Variants in UNC5C observed in about 807,000 individuals in gnomAD.
UNC5C encodes unc-5 netrin receptor C, also known as netrin receptor UNC5C.
Under a neutral mutation model 99.8 loss-of-function variants are expected in UNC5C, and 47 were observed. The ratio of observed to expected loss-of-function variants is 0.47; its 90% CI spans 0.37 to 0.60. UNC5C has a LOEUF of 0.60. Among genes scored for constraint, UNC5C ranks in the 20% least tolerant of loss-of-function variants. The pLI is 0.00. For missense variants in UNC5C, 1,062 were observed against 1,165.9 expected (o/e 0.91, Z 1.30); for synonymous variants, 487 against 452.2 (o/e 1.08, Z -0.98).
Position 95,402,613 on chromosome 4 carries a change from T to C in UNC5C, c.125-66982A>G, listed in dbSNP as rs1451326595. On this transcript the variant is annotated intron_variant, in intron 1 of 15. Coordinates refer to ENST00000453304, the MANE Select transcript of UNC5C (RefSeq NM_003728.4). ...TTACAGGGTAGTATTTGAGGACACA[T>C]ATAATATAAAGAAAAATATTTTGCA... 2.6e-5 allele frequency among the ~76,000 whole-genome samples: 4 copies of C among 152,132 alleles called. No individual in the cohort carries two copies. In the East Asian group the frequency reaches 5.8e-4, roughly 22 times the overall value.
At chr4:95,541,628 AT>A (rs1722923293) in intron 1 of UNC5C, among the ~76,000 whole-genome samples, 1 of 151,980 alleles carries the variant, frequency 6.6e-6, no homozygotes, top group South Asian at 2.1e-4. Flanking sequence ...TGTACTACAT[AT>A]TTATATTTTA....
At chr4:95,362,512 T>A (rs189469337) in intron 1 of UNC5C, among the ~76,000 whole-genome samples, 1 of 152,256 alleles carries the variant, frequency 6.6e-6, no homozygotes, top group Admixed American at 6.5e-5. Context: ...TTTAGAGCAA[T>A]GGATTTGACT....
At chr4:95,281,506 T>G (rs547362458) in intron 3 of UNC5C, among the ~76,000 whole-genome samples, 1 of 152,262 alleles carries the variant, frequency 6.6e-6, no homozygotes, top group South Asian at 2.1e-4. Flanking sequence ...AGTTAGGGAC[T>G]CATTTGAATA....
At chr4:95,355,483 C>G (rs1051181760) in intron 1 of UNC5C, among the ~76,000 whole-genome samples, 5 of 152,106 alleles carry the variant, frequency 3.3e-5, no homozygotes, top group African/African-American at 1.2e-4. Context: ...TTTCCTCCAG[C>G]AAGTCATTCT....
At chr4:95,193,018 C>A (rs751669669) in intron 12 of UNC5C, among the ~76,000 whole-genome samples, 17 of 152,222 alleles carry the variant, frequency 1.1e-4, no homozygotes, top group Non-Finnish European at 2.2e-4. Context: ...AGTTAAGTCT[C>A]ATATAACCCA....
intron 4 of UNC5C, among the ~76,000 whole-genome samples, chr4:95,256,941 G>A (rs1740021967): frequency 6.6e-6 from 1 of 151,898 alleles, no homozygotes; most frequent in Admixed American, 6.6e-5. Flanking sequence ...TTATGTTTCT[G>A]TGCCTGCTTT....
chr4:95,524,898 T>C (rs1722459564), intron 1 of UNC5C, among the ~76,000 whole-genome samples: 1 of 152,204 alleles, frequency 6.6e-6, no homozygotes, highest in Admixed American at 6.5e-5. Context: ...TGGGGGTCTG[T>C]TTCCTCATCT....
chr4:95,332,023 G>A (rs1013952106), intron 2 of UNC5C, among the ~76,000 whole-genome samples: 2 of 151,946 alleles, frequency 1.3e-5, no homozygotes, highest in African/African-American at 4.8e-5. Flanking sequence ...GGGACGTGAA[G>A]GACCTCTTCA....
intron 1 of UNC5C, among the ~76,000 whole-genome samples, chr4:95,432,324 T>C (rs1396817441): frequency 6.6e-6 from 1 of 152,160 alleles, no homozygotes; most frequent in African/African-American, 2.4e-5. Context: ...CTCATGTCAT[T>C]ATTTTTGATG....
chr4:95,241,168 A>G (rs1239541821), intron 7 of UNC5C, among the ~76,000 whole-genome samples: 1 of 152,216 alleles, frequency 6.6e-6, no homozygotes, highest in Non-Finnish European at 1.5e-5. Flanking sequence ...CAAACTCTGT[A>G]CCTCTAGATA....
chr4:95,405,905 T>C (rs1745819514), intron 1 of UNC5C, among the ~76,000 whole-genome samples: 1 of 152,184 alleles, frequency 6.6e-6, no homozygotes, highest in South Asian at 2.1e-4. Context: ...CTGTATGTCA[T>C]CACAGTAAAT....
intron 1 of UNC5C, among the ~76,000 whole-genome samples, chr4:95,436,023 ATTTATGTGATT>A (rs1256041202): frequency 6.6e-6 from 1 of 152,024 alleles, no homozygotes; most frequent in African/African-American, 2.4e-5. Flanking sequence ...TCCTGTTGTT[ATTTATGTGATT>A]TTTATGAAGC....
chr4:95,200,112 G>A (rs1171906579), intron 12 of UNC5C, among the ~76,000 whole-genome samples: 2 of 152,118 alleles, frequency 1.3e-5, no homozygotes, highest in African/African-American at 4.8e-5. Flanking sequence ...GTTTCCACTC[G>A]TGCCCTCTAC....
At chr4:95,442,271 T>C (rs999084236) in intron 1 of UNC5C, among the ~76,000 whole-genome samples, 2 of 151,746 alleles carry the variant, frequency 1.3e-5, no homozygotes, top group African/African-American at 2.4e-5. Flanking sequence ...GGTGTGATCA[T>C]AGATCACTGT....
intron 1 of UNC5C, among the ~76,000 whole-genome samples, chr4:95,350,954 T>C (rs1334850302): frequency 6.6e-6 from 1 of 152,078 alleles, no homozygotes; most frequent in Non-Finnish European, 1.5e-5. Context: ...TTCAATCAGT[T>C]GAAAGGCCTT....
In UNC5C at chr4:95,258,746, CTTTTTT is replaced by C. The variant is rs775570031; in HGVS notation, c.595-8085_595-8080del. 9.8e-3 allele frequency among the ~76,000 whole-genome samples: 747 copies of C among 75,962 alleles called. 10 individuals are homozygous for C. Among genetic ancestry groups the C allele is most frequent in the African/African-American group, 0.019 (441 of 22,980 alleles). The allele number at this position is 75,962 out of a possible 152,430, so 49.8% of individuals were successfully genotyped here. ...ACTATGTGTAATCGACCATCTTATT[CTTTTTT>C]TTTTTTTTTTTTTTTTTTTTGAGAC... On this transcript the variant is annotated intron_variant, in intron 4 of 15. Coordinates refer to ENST00000453304, the MANE Select transcript of UNC5C (RefSeq NM_003728.4).
intron 2 of UNC5C, among the ~76,000 whole-genome samples, chr4:95,305,549 G>C (rs1052863006): frequency 6.6e-6 from 1 of 152,134 alleles, no homozygotes. Flanking sequence ...GTTATTTAAG[G>C]GTGGGGGAAA....
intron 1 of UNC5C, among the ~76,000 whole-genome samples, chr4:95,510,391 T>C (rs1294764394): frequency 6.6e-6 from 1 of 152,058 alleles, no homozygotes; most frequent in Non-Finnish European, 1.5e-5. Flanking sequence ...TGACTATAGC[T>C]GCCTTAAAAA....
intron 4 of UNC5C, among the ~76,000 whole-genome samples, chr4:95,260,868 G>A (rs759730034): frequency 7.9e-5 from 12 of 152,164 alleles, no homozygotes; most frequent in Admixed American, 1.3e-4. Context: ...CTTGTATGGT[G>A]CATTCCAGGT....
Sources: allele counts gnomAD v4.1 joint callset (sites outside exome capture counted in the v4.1 genomes callset), GRCh38; gene constraint gnomAD v4.1.1; transcripts MANE v1.5; gene names NCBI Gene and HGNC (gene_info 2026-07-23, HGNC 2026-07-21).